The following NELL1 variants were observed in gnomAD, a reference collection of about 807,000 sequenced individuals.
NELL1 encodes protein kinase C-binding protein NELL1.
NELL1 carries 76 observed loss-of-function variants against 107.4 expected under a neutral mutation model. The observed-to-expected ratio is 0.71, with a 90% CI of 0.59 to 0.86. NELL1 has a LOEUF of 0.86. Among genes scored for constraint, NELL1 ranks in the 40% least tolerant of loss-of-function variants. The pLI, the probability that NELL1 is intolerant of heterozygous loss-of-function variation, is 0.00. For missense variants in NELL1, 1,024 were observed against 1,005.5 expected, an observed-to-expected ratio of 1.02 and a Z score of -0.25; for synonymous variants, 353 against 341.2, an observed-to-expected ratio of 1.03 and a Z score of -0.38.
intron 13 of NELL1, among the ~76,000 whole-genome samples, chr11:21,226,874 T>C (rs61888071): frequency 0.068 from 10,365 of 152,226 alleles, 436 homozygotes; most frequent in Non-Finnish European, 0.1. Context: ...CAAAGGCAGA[T>C]AAACCAACTA....
At chr11:21,103,361 A>T (rs1175990941) in intron 12 of NELL1, among the ~76,000 whole-genome samples, 1 of 152,194 alleles carries the variant, frequency 6.6e-6, no homozygotes, top group Non-Finnish European at 1.5e-5. Flanking sequence ...ATTAACCAAG[A>T]AATGTGAATA....
intron 12 of NELL1, among the ~76,000 whole-genome samples, chr11:21,059,162 T>C (rs184150477): frequency 5.3e-5 from 8 of 152,240 alleles, no homozygotes; most frequent in East Asian, 3.9e-4. Flanking sequence ...GGTTTACATA[T>C]GTTTCACCTT....
chr11:21,401,720 T>C (rs1852101546), intron 15 of NELL1, among the ~76,000 whole-genome samples: 1 of 151,734 alleles, frequency 6.6e-6, no homozygotes, highest in African/African-American at 2.4e-5. Context: ...GAAAGCATGT[T>C]TGACCTTGCA....
At chr11:20,723,456 GTAAATCT>G (rs1160455774) in intron 2 of NELL1, among the ~76,000 whole-genome samples, 5 of 152,150 alleles carry the variant, frequency 3.3e-5, no homozygotes, top group Admixed American at 6.6e-5. Context: ...AGGGCCCTCA[GTAAATCT>G]TAAAGCTCCA....
chr11:20,956,332 C>G (rs1004108862), intron 11 of NELL1, among the ~76,000 whole-genome samples: 1 of 151,980 alleles, frequency 6.6e-6, no homozygotes, highest in Non-Finnish European at 1.5e-5. Context: ...GCCTAGGGCC[C>G]TGAGGAACAC....
intron 3 of NELL1, among the ~76,000 whole-genome samples, chr11:20,813,464 C>T (rs1467771281): frequency 4.8e-4 from 6 of 12,374 alleles, no homozygotes; most frequent in South Asian, 0.013. Context: ...TTGAAGAGGA[C>T]GTGATAAAAA....
At chr11:21,333,318 C>T (rs1450196785) in intron 14 of NELL1, among the ~76,000 whole-genome samples, 1 of 151,986 alleles carries the variant, frequency 6.6e-6, no homozygotes, top group Non-Finnish European at 1.5e-5. Context: ...TACTTCCTTT[C>T]TTTCTAGGTT....
At chr11:21,562,601 A>G (rs7131493) in intron 17 of NELL1, among the ~76,000 whole-genome samples, 130,743 of 151,964 alleles carry the variant, frequency 0.86, 56,818 homozygotes, top group Non-Finnish European at 0.93. Flanking sequence ...GAAGTTGAAA[A>G]TGCTCTGTTT....
chr11:21,308,618 T>C (rs527777962), intron 14 of NELL1, among the ~76,000 whole-genome samples: 3 of 152,130 alleles, frequency 2.0e-5, no homozygotes, highest in African/African-American at 7.2e-5. Flanking sequence ...ATGATCAGGA[T>C]CTCAATTTTT....
At chr11:21,174,195 T>C (rs34675067) in intron 13 of NELL1, among the ~76,000 whole-genome samples, 35,823 of 151,626 alleles carry the variant, frequency 0.24, 5,069 homozygotes, top group East Asian at 0.49. Context: ...CTGCTGAAAG[T>C]GAGAGATACT....
At chr11:21,404,346 A>G (rs976502045) in intron 15 of NELL1, among the ~76,000 whole-genome samples, 2 of 151,924 alleles carry the variant, frequency 1.3e-5, no homozygotes, top group African/African-American at 4.8e-5. Flanking sequence ...AGTTGCTTTT[A>G]TATGGAATTT....
At chr11:21,142,050 C>G (rs2133772975) in intron 13 of NELL1, among the ~76,000 whole-genome samples, 1 of 152,294 alleles carries the variant, frequency 6.6e-6, no homozygotes, top group African/African-American at 2.4e-5. Flanking sequence ...AGGCATGAGC[C>G]ACCACACCTG....
At chr11:21,226,633 AG>A (rs777939048) in intron 13 of NELL1, among the ~76,000 whole-genome samples, 1 of 152,206 alleles carries the variant, frequency 6.6e-6, no homozygotes, top group Non-Finnish European at 1.5e-5. Context: ...GATAAAGTGA[AG>A]GTTGTGGAAA....
At chr11:20,978,032 G>A (rs902732017) in intron 12 of NELL1, among the ~76,000 whole-genome samples, 6 of 152,226 alleles carry the variant, frequency 3.9e-5, no homozygotes, top group African/African-American at 1.4e-4. Context: ...ATCTTTGTAA[G>A]AGAGAATTGA....
intron 11 of NELL1, among the ~76,000 whole-genome samples, chr11:20,957,302 C>T (rs192266862): frequency 6.6e-6 from 1 of 152,324 alleles, no homozygotes; most frequent in Admixed American, 6.5e-5. Context: ...TTCCTAAAAG[C>T]TTAGGGCTAG....
chr11:21,061,019 G>A (rs1053554746), intron 12 of NELL1, among the ~76,000 whole-genome samples: 15 of 152,230 alleles, frequency 9.9e-5, no homozygotes, highest in African/African-American at 3.6e-4. Context: ...ACAGGCGTGA[G>A]CCACCACGCC....
At chr11:20,746,453 A>G (rs912846237) in intron 2 of NELL1, among the ~76,000 whole-genome samples, 1 of 152,140 alleles carries the variant, frequency 6.6e-6, no homozygotes, top group African/African-American at 2.4e-5. Context: ...TAAGATGGAG[A>G]TATTAATATT....
chr11:21,328,759 G>T (rs1428970910), intron 14 of NELL1, among the ~76,000 whole-genome samples: 1 of 152,198 alleles, frequency 6.6e-6, no homozygotes, highest in Non-Finnish European at 1.5e-5. Flanking sequence ...GCATGACCTG[G>T]ATGTGAGACA....
chr11:21,055,454 A>AC (rs1335054996), intron 12 of NELL1, among the ~76,000 whole-genome samples: 1 of 152,168 alleles, frequency 6.6e-6, no homozygotes, highest in African/African-American at 2.4e-5. Flanking sequence ...CCTCTTTTGC[A>AC]AGTCAACTTC....
Sources: allele counts gnomAD v4.1 joint callset (sites outside exome capture counted in the v4.1 genomes callset), GRCh38; gene constraint gnomAD v4.1.1; transcripts MANE v1.5; gene names NCBI Gene and HGNC (gene_info 2026-07-23, HGNC 2026-07-21).